Variants in SNTB1 observed in about 807,000 individuals in gnomAD.
The protein encoded by SNTB1 is beta-1-syntrophin.
In SNTB1, 36 loss-of-function variants were observed where a neutral mutation model predicts 48.9. The observed-to-expected ratio is 0.74, with a 90% CI of 0.56 to 0.97. The LOEUF is 0.97. Ranked by LOEUF, SNTB1 falls within the 50% of genes least tolerant of loss-of-function variation. The pLI, the probability that SNTB1 is intolerant of heterozygous loss-of-function variation, is 0.00. For synonymous variants in SNTB1, 299 were observed against 294.6 expected (o/e 1.01, Z -0.15); for missense variants, 786 against 703.4 (o/e 1.12, Z -1.33).
intron 1 of SNTB1, among the ~76,000 whole-genome samples, chr8:120,801,842 C>T (rs1464266349): frequency 1.3e-5 from 2 of 152,082 alleles, no homozygotes; most frequent in Non-Finnish European, 2.9e-5. Context: ...TAAAAAAATT[C>T]ACAATGACAT....
chr8:120,776,325 C>G (rs1051322589), intron 1 of SNTB1: 1 of 152,202 alleles, frequency 6.6e-6, no homozygotes, highest in African/African-American at 2.4e-5. Flanking sequence ...CTTCTTCCAG[C>G]TATCTAACAT....
intron 2 of SNTB1, among the ~76,000 whole-genome samples, chr8:120,643,988 G>C (rs1190043132): frequency 6.6e-6 from 1 of 152,118 alleles, no homozygotes; most frequent in Non-Finnish European, 1.5e-5. Context: ...ATACAAGGAA[G>C]AGTACCAAAG....
chr8:120,540,354 T>G (rs1034404878), intron 6 of SNTB1, among the ~76,000 whole-genome samples: 5 of 152,344 alleles, frequency 3.3e-5, no homozygotes, highest in South Asian at 2.1e-4. Flanking sequence ...CTAAATGTAC[T>G]GGCAGTAAAA....
intron 1 of SNTB1, among the ~76,000 whole-genome samples, chr8:120,797,546 C>CTTTTTTTTTTTTTTTTT (rs60374035): frequency 2.9e-5 from 2 of 69,090 alleles, no homozygotes; most frequent in Non-Finnish European, 5.1e-5. Flanking sequence ...ACTTGTTTCT[C>CTTTTTTTTTTTTTTTTT]TTTTTTTTTT....
intron 3 of SNTB1, among the ~76,000 whole-genome samples, chr8:120,614,193 G>C (rs1384633419): frequency 2.0e-5 from 3 of 152,132 alleles, no homozygotes; most frequent in African/African-American, 4.8e-5. Flanking sequence ...TATCCTTTCT[G>C]TGTCTCGGTT....
At chr8:120,709,053 T>C (rs982438090) in intron 1 of SNTB1, among the ~76,000 whole-genome samples, 7 of 149,870 alleles carry the variant, frequency 4.7e-5, no homozygotes, top group Admixed American at 3.3e-4. Context: ...AATGCATGAA[T>C]GAATAAGTGA....
chr8:120,672,506 A>G (rs955688687), intron 2 of SNTB1, among the ~76,000 whole-genome samples: 1 of 152,188 alleles, frequency 6.6e-6, no homozygotes, highest in African/African-American at 2.4e-5. Context: ...ACTGATCAGA[A>G]TCTTGTACAA....
chr8:120,619,021 T>C (rs1479638892), intron 3 of SNTB1, among the ~76,000 whole-genome samples: 1 of 152,166 alleles, frequency 6.6e-6, no homozygotes, highest in Non-Finnish European at 1.5e-5. Context: ...ATAAAATCCA[T>C]ATCTATGGGT....
At chr8:120,712,414 CAAAAAAAAAA>C (rs370583854) in intron 1 of SNTB1, among the ~76,000 whole-genome samples, 1 of 81,332 alleles carries the variant, frequency 1.2e-5, no homozygotes, top group Non-Finnish European at 2.7e-5. Flanking sequence ...GACTCCATCT[CAAAAAAAAAA>C]AAAAAAAAAG....
chr8:120,740,373 C>T (rs1819023248), intron 1 of SNTB1, among the ~76,000 whole-genome samples: 1 of 152,120 alleles, frequency 6.6e-6, no homozygotes, highest in South Asian at 2.1e-4. Context: ...ATTGATTTTG[C>T]AGTAAAACAA....
At chr8:120,758,492 G>T (rs1159388081) in intron 1 of SNTB1, among the ~76,000 whole-genome samples, 2 of 152,134 alleles carry the variant, frequency 1.3e-5, no homozygotes, top group African/African-American at 2.4e-5. Context: ...TTCCTTATTT[G>T]TGCTTTAGTT....
At chr8:120,585,261 C>T (rs1198700091) in intron 3 of SNTB1, among the ~76,000 whole-genome samples, 2 of 152,204 alleles carry the variant, frequency 1.3e-5, no homozygotes, top group Non-Finnish European at 2.9e-5. Context: ...CATAAAGCCA[C>T]TCATGTGGCT....
intron 2 of SNTB1, among the ~76,000 whole-genome samples, chr8:120,640,614 T>C (rs1052673731): frequency 4.7e-4 from 72 of 152,238 alleles, no homozygotes; most frequent in Non-Finnish European, 9.7e-4. Flanking sequence ...GCCAAAGGCC[T>C]TTTCTGCATC....
chr8:120,738,764 C>T (rs1021865893), intron 1 of SNTB1, among the ~76,000 whole-genome samples: 1 of 152,162 alleles, frequency 6.6e-6, no homozygotes, highest in African/African-American at 2.4e-5. Flanking sequence ...TACAAGCTAT[C>T]TAGCCTCAGA....
At chr8:120,752,605 C>G (rs1207034493) in intron 1 of SNTB1, among the ~76,000 whole-genome samples, 1 of 152,140 alleles carries the variant, frequency 6.6e-6, no homozygotes, top group Non-Finnish European at 1.5e-5. Flanking sequence ...ATACACACTA[C>G]AGAATACTAC....
chr8:120,540,715 A>C (rs1044040502), intron 6 of SNTB1, among the ~76,000 whole-genome samples: 4 of 152,216 alleles, frequency 2.6e-5, no homozygotes, highest in African/African-American at 9.6e-5. Flanking sequence ...GAAAGTTAGA[A>C]AAATGCTTGG....
At chr8:120,727,425 C>G (rs1297882287) in intron 1 of SNTB1, among the ~76,000 whole-genome samples, 1 of 152,144 alleles carries the variant, frequency 6.6e-6, no homozygotes, top group African/African-American at 2.4e-5. Flanking sequence ...AGCAAGTCAT[C>G]TTATGTTTCT....
intron 5 of SNTB1, among the ~76,000 whole-genome samples, chr8:120,548,426 G>A (rs1435485967): frequency 6.6e-6 from 1 of 152,106 alleles, no homozygotes; most frequent in Non-Finnish European, 1.5e-5. Flanking sequence ...CTCGGAATCA[G>A]TTTCTGTTGT....
chr8:120,799,415 G>A (rs529739147), intron 1 of SNTB1, among the ~76,000 whole-genome samples: 1 of 151,916 alleles, frequency 6.6e-6, no homozygotes, highest in South Asian at 2.1e-4. Flanking sequence ...ATTATAATAT[G>A]CTCAGACAGA....
Sources: allele counts gnomAD v4.1 joint callset (sites outside exome capture counted in the v4.1 genomes callset), GRCh38; gene constraint gnomAD v4.1.1; transcripts MANE v1.5; gene names NCBI Gene and HGNC (gene_info 2026-07-23, HGNC 2026-07-21).